The following LYRM2 variants were observed in gnomAD, a reference collection of about 807,000 sequenced individuals.
LYRM2 encodes the protein LYR motif containing 2, also known as LYR motif-containing protein 2.
Under a neutral mutation model 11.6 loss-of-function variants are expected in LYRM2, and 8 were observed. The observed-to-expected ratio is 0.69, with a 90% CI of 0.40 to 1.24. The LOEUF is 1.24. LYRM2 is among the 50% of genes most tolerant of loss of function. LYRM2 has a pLI of 0.01. For synonymous variants in LYRM2, 30 were observed against 36.4 expected, an observed-to-expected ratio of 0.83 and a Z score of 0.63; for missense variants, 117 against 102.9, an observed-to-expected ratio of 1.14 and a Z score of -0.59.
Position 89,632,656 on chromosome 6 carries a change from T to G in LYRM2, c.*4617A>C, listed in dbSNP as rs537537908. The G allele has an allele frequency of 3.9e-5, 6 of 152,350 alleles. No homozygotes were observed. The highest frequency in any genetic ancestry group is 2.0e-4 in the Admixed American group (3 of 15,304). The allele number at this position is 152,350 out of a possible 1,614,324, so 9.4% of individuals were successfully genotyped here. On this transcript the variant is annotated 3_prime_UTR_variant, in exon 3 of 3. Coordinates refer to ENST00000523377, the MANE Select transcript of LYRM2 (RefSeq NM_020466.5). ...ATGTTATTTCAAGTTGATTTTCATG[T>G]GTTTGGGAGCTTGTCTTGTTCTCAA...
rs1022208912 is a variant in LYRM2, at chr6:89,637,230, A to G, written c.*43T>C. The G allele has an allele frequency of 3.2e-6, 3 of 941,878 alleles. No individual in the cohort carries two copies. The highest frequency in any genetic ancestry group is 3.2e-5 in the African/African-American group (2 of 61,576). The allele number at this position is 941,878 out of a possible 1,614,324, so 58.3% of individuals were successfully genotyped here. ...TCCATTGTTAATCCTAAATGCAACA[A>G]AACACATGGAGACTTTGAAAATCCT... On this transcript the variant is annotated 3_prime_UTR_variant, in exon 3 of 3. Coordinates refer to ENST00000523377, the MANE Select transcript of LYRM2 (RefSeq NM_020466.5).
chr6:89,637,489 A>G, intron 2 of LYRM2, 136 bp from the exon 3 acceptor site: 2 of 648,976 alleles, frequency 3.1e-6, no homozygotes, highest in East Asian at 5.6e-5. Context: ...AAAGAGTTCC[A>G]CATACATACA....
Position 89,634,841 on chromosome 6 carries a change from G to A in LYRM2, c.*2432C>T, listed in dbSNP as rs995557241. 6.6e-6 allele frequency: 1 copy of A among 152,176 alleles called. No individual in the cohort carries two copies. Among genetic ancestry groups the A allele is most frequent in the African/African-American group, 2.4e-5 (1 of 41,430 alleles). The allele number at this position is 152,176 out of a possible 1,614,324, so 9.4% of individuals were successfully genotyped here. ...GTCTCACTCTTTCGCCCAGGCTGTA[G>A]TGCAGTAGTGTGTTCTCGGCTCACT... On this transcript the variant is annotated 3_prime_UTR_variant, in exon 3 of 3. Transcript: ENST00000523377.
chr6:89,638,399 T>C, intron 1 of LYRM2: 2 of 1,401,260 alleles, frequency 1.4e-6, no homozygotes, highest in Non-Finnish European at 1.9e-6. Flanking sequence ...GCAATAGACT[T>C]TTACCGTGGG....
In LYRM2 at chr6:89,636,137, A is replaced by G. The variant is rs1012027925; in HGVS notation, c.*1136T>C. 6.6e-6 allele frequency: 1 copy of G among 152,216 alleles called. No individual in the cohort carries two copies. Among genetic ancestry groups the G allele is most frequent in the African/African-American group, 2.4e-5 (1 of 41,452 alleles). The allele number at this position is 152,216 out of a possible 1,614,324, so 9.4% of individuals were successfully genotyped here. A position where few individuals can be genotyped will look rare whatever the true frequency, so the allele number is the denominator to read the frequency against. ...AGTCCTACACCTCAAGAGTTTTTTAATAACAGCTTTATTGAGATACAATTC... is the reference window on the plus strand; with the variant it reads ...AGTCCTACACCTCAAGAGTTTTTTAGTAACAGCTTTATTGAGATACAATTC... On this transcript the variant is annotated 3_prime_UTR_variant, in exon 3 of 3. Transcript: ENST00000523377.
chr6:89,637,955 C>T, intron 1 of LYRM2, 73 bp from the exon 2 acceptor site: 13 of 1,412,742 alleles, frequency 9.2e-6, no homozygotes, highest in Non-Finnish European at 1.3e-5. Flanking sequence ...TTCAGCAAAC[C>T]AAGCTGTAAC....
At position 89,634,995 on chromosome 6, in the gene LYRM2, C is replaced by T. The variant is rs1430287020; in HGVS notation, c.*2278G>A. 6.6e-6 allele frequency: 1 copy of T among 152,024 alleles called. No homozygotes were observed. Among genetic ancestry groups the T allele is most frequent in the African/African-American group, 2.4e-5 (1 of 41,374 alleles). The allele number at this position is 152,024 out of a possible 1,614,324, so 9.4% of individuals were successfully genotyped here. On this transcript the variant is annotated 3_prime_UTR_variant, in exon 3 of 3. Coordinates refer to ENST00000523377, the MANE Select transcript of LYRM2 (RefSeq NM_020466.5). ...GAAATCCTGACCTAAAGTGATCCAC[C>T]CACCTCAGCCTCCCAAAGTGTGTGG...
intron 1 of LYRM2, 88 bp from the exon 2 acceptor site, chr6:89,637,970 G>T: frequency 7.7e-7 from 1 of 1,297,238 alleles, no homozygotes; most frequent in Non-Finnish European, 1.1e-6. Flanking sequence ...TGTAACCAGA[G>T]TACTTCTCGT....
Position 89,637,263 on chromosome 6 carries a change from A to G in LYRM2, c.*10T>C. 1 of 1,299,290 alleles carries G rather than the reference A, an allele frequency of 7.7e-7. No individual in the cohort carries two copies. Among genetic ancestry groups the G allele is most frequent in the Non-Finnish European group, 1.1e-6 (1 of 897,752 alleles). 80.5% of individuals were successfully genotyped at this position (1,299,290 alleles called of 1,614,324 possible). On this transcript the variant is annotated 3_prime_UTR_variant, in exon 3 of 3. Transcript: ENST00000523377. ...GGAGACTTTGAAAATCCTTCAGAAT[A>G]ATGCTATAGTTAAGATTTTGCTAAA...
At position 89,637,312 on chromosome 6, in the gene LYRM2, G is replaced by A. The variant is rs1468373326; in HGVS notation, c.228C>T (p.Leu76=). Residue 76 remains leucine (L), a synonymous_variant, in exon 3 of 3, where the codon CTC becomes CTT. Coordinates refer to ENST00000523377, the MANE Select transcript of LYRM2 (RefSeq NM_020466.5). ...RMMITQGNMQ[L]KELEKTLALA... ...AAGCAAGTGTTTTTTCTAACTCCTTGAGCTGCATATTGCCTTGAGTAATCA... is the reference window on the plus strand; with the variant it reads ...AAGCAAGTGTTTTTTCTAACTCCTTAAGCTGCATATTGCCTTGAGTAATCA... 7 of 1,603,920 alleles carry A rather than the reference G, an allele frequency of 4.4e-6. No homozygotes were observed. The highest frequency in any genetic ancestry group is 6.0e-6 in the Non-Finnish European group (7 of 1,171,228).
chr6:89,638,589 C>G, intron 1 of LYRM2, 83 bp downstream of exon 1: 1 of 1,602,528 alleles, frequency 6.2e-7, no homozygotes, highest in Non-Finnish European at 8.5e-7. Context: ...ACCCCGGAAC[C>G]CGCCCCGTTG....
In LYRM2 at chr6:89,638,463, T is replaced by G; in HGVS notation, c.45+209A>C. On this transcript the variant is annotated intron_variant, in intron 1 of 2. Transcript: ENST00000523377. ...GGGAAATCAAGCGCCTGACGCTGTC[T>G]CACGCGATCGCACCAAACCAAGGAA... The G allele has an allele frequency of 2.0e-6, 3 of 1,476,536 alleles. No individual in the cohort carries two copies. The South Asian group carries it at 4.1e-5, about 20-fold the overall frequency. 91.5% of individuals were successfully genotyped at this position (1,476,536 alleles called of 1,614,324 possible).
In LYRM2 at chr6:89,637,211, G is replaced by T. The variant is rs1483734618; in HGVS notation, c.*62C>A. 12 of 822,996 alleles carry T rather than the reference G, an allele frequency of 1.5e-5. No individual in the cohort carries two copies. The highest frequency in any genetic ancestry group is 1.8e-5 in the Non-Finnish European group (9 of 487,844). The allele number at this position is 822,996 out of a possible 1,614,324, so 51.0% of individuals were successfully genotyped here. On this transcript the variant is annotated 3_prime_UTR_variant, in exon 3 of 3. Transcript: ENST00000523377. ...AAGACTGGGCTTTGTGTTGTCCATT[G>T]TTAATCCTAAATGCAACAAAACACA...
intron 1 of LYRM2, chr6:89,638,165 CCT>C (rs1457746088): frequency 1.5e-6 from 1 of 669,136 alleles, no homozygotes; most frequent in Non-Finnish European, 2.1e-6. Context: ...AGAGTGAGGC[CCT>C]GTCTCAAAAA....
intron 1 of LYRM2, 150 bp from the exon 2 acceptor site, chr6:89,638,032 C>T (rs779393677): frequency 4.6e-6 from 4 of 872,718 alleles, no homozygotes; most frequent in Non-Finnish European, 5.2e-6. Flanking sequence ...TTTTTTTGGC[C>T]AGATGCAGTG....
chr6:89,638,302 AGTT>A (rs1419337424), intron 1 of LYRM2: 16 of 1,171,024 alleles, frequency 1.4e-5, no homozygotes, highest in East Asian at 9.8e-5. Context: ...GTCTCCTAGA[AGTT>A]GTTATTACAA....
Position 89,636,680 on chromosome 6 carries a change from G to GCTTTTTTT in LYRM2, c.*592_*593insAAAAAAAG. The GCTTTTTTT allele has an allele frequency of 7.7e-6, 1 of 129,504 alleles. No homozygotes were observed. Among genetic ancestry groups the GCTTTTTTT allele is most frequent in the African/African-American group, 2.9e-5 (1 of 34,254 alleles). 8.0% of individuals were successfully genotyped at this position (129,504 alleles called of 1,614,324 possible). A position where few individuals can be genotyped will look rare whatever the true frequency, so the allele number is the denominator to read the frequency against. On this transcript the variant is annotated 3_prime_UTR_variant, in exon 3 of 3. Transcript: ENST00000523377. The stretch of plus-strand genomic sequence containing the variant: ...TCTAGTGAATGTGAATCTCAGGGTT[G>GCTTTTTTT]TTTTTTTTTTTTTTTTTTAGAGACT...
At position 89,635,167 on chromosome 6, in the gene LYRM2, A is replaced by T. The variant is rs1252406355; in HGVS notation, c.*2106T>A. The T allele has an allele frequency of 6.6e-6, 1 of 152,226 alleles. No individual in the cohort carries two copies. The highest frequency in any genetic ancestry group is 6.5e-5 in the Admixed American group (1 of 15,292). The allele number at this position is 152,226 out of a possible 1,614,324, so 9.4% of individuals were successfully genotyped here. On this transcript the variant is annotated 3_prime_UTR_variant, in exon 3 of 3. Coordinates refer to ENST00000523377, the MANE Select transcript of LYRM2 (RefSeq NM_020466.5). The stretch of plus-strand genomic sequence containing the variant: ...AAACCTTTCCATGCACACCACTGTT[A>T]GGAAGAGCATCATTAAATCACTGAC...
Position 89,636,557 on chromosome 6 carries a change from C to T in LYRM2, c.*716G>A, listed in dbSNP as rs1014606703. 6.6e-6 allele frequency: 1 copy of T among 152,212 alleles called. No homozygotes were observed. Among genetic ancestry groups the T allele is most frequent in the Non-Finnish European group, 1.5e-5 (1 of 68,066 alleles). 9.4% of individuals were successfully genotyped at this position (152,212 alleles called of 1,614,324 possible). ...GACCGTCTGTTTTCTGAAGTGGCTA[C>T]ACCATTTTACATTCCCACCAGCAAT... On this transcript the variant is annotated 3_prime_UTR_variant, in exon 3 of 3. Coordinates refer to ENST00000523377, the MANE Select transcript of LYRM2 (RefSeq NM_020466.5).
Sources: gnomAD v4.1 joint callset for allele counts on GRCh38, gnomAD v4.1.1 for gene constraint, MANE v1.5 for transcripts, NCBI Gene and HGNC (gene_info 2026-07-23, HGNC 2026-07-21) for gene names.